The following CACNB2 variants were observed in gnomAD, a reference collection of about 807,000 sequenced individuals.
CACNB2 encodes voltage-dependent L-type calcium channel subunit beta-2.
In CACNB2, 42 loss-of-function variants were observed where a neutral mutation model predicts 73.3. The ratio of observed to expected loss-of-function variants is 0.57; its 90% CI spans 0.45 to 0.74. CACNB2 has a LOEUF of 0.74. CACNB2 is among the 30% of genes least tolerant of loss of function. The pLI is 0.00. For synonymous variants in CACNB2, 348 were observed against 310.3 expected, an observed-to-expected ratio of 1.12 and a Z score of -1.28; for missense variants, 940 against 853.0, an observed-to-expected ratio of 1.10 and a Z score of -1.27.
chr10:18,374,703 A>G (rs2042722881), intron 2 of CACNB2, among the ~76,000 whole-genome samples: 1 of 152,216 alleles, frequency 6.6e-6, no homozygotes, highest in South Asian at 2.1e-4. Flanking sequence ...TGATGTATGT[A>G]GCATTTCATG....
rs762401414 is a variant in CACNB2, at chr10:18,261,021, C to G, written c.213+110046C>G. On this transcript the variant is annotated intron_variant, in intron 2 of 13. Transcript: ENST00000324631. ...TAGATTTTTGCAAATAGGAAACCCC[C>G]TTGAAGAAGATCTCAAATTACGCCC... 5.6e-4 allele frequency: 797 copies of G among 1,414,314 alleles called. 3 individuals carry two copies. The highest frequency in any genetic ancestry group is 6.9e-4 in the Non-Finnish European group (754 of 1,088,022). The allele number at this position is 1,414,314 out of a possible 1,614,324, so 87.6% of individuals were successfully genotyped here. A position where few individuals can be genotyped will look rare whatever the true frequency, so the allele number is the denominator to read the frequency against.
intron 3 of CACNB2, among the ~76,000 whole-genome samples, chr10:18,459,454 A>G (rs1200389667): frequency 6.6e-6 from 1 of 152,164 alleles, no homozygotes; most frequent in East Asian, 1.9e-4. Flanking sequence ...AAATCACCTC[A>G]ATGCTGGGAA....
intron 2 of CACNB2, among the ~76,000 whole-genome samples, chr10:18,281,491 A>T (rs572058453): frequency 2.0e-5 from 3 of 152,232 alleles, no homozygotes; most frequent in African/African-American, 4.8e-5. Context: ...ATCTCCAAGG[A>T]CCTCTTTCAG....
chr10:18,539,557 C>T lies in CACNB2; in HGVS notation c.1816C>T (p.Arg606Trp), dbSNP rs61733968. The T allele has an allele frequency of 1.3e-4, 213 of 1,613,726 alleles. No individual in the cohort carries two copies. Among genetic ancestry groups the T allele is most frequent in the East Asian group, 1.3e-4 (6 of 44,822 alleles). Reference sequence around the variant, plus strand: ...CAGTGACCACAGACACAGGGAGTCCCGGCACCGTTCCCGGGACGTGGATCG... The same window carrying T: ...CAGTGACCACAGACACAGGGAGTCCTGGCACCGTTCCCGGGACGTGGATCG... The part of the protein sequence containing the change: ...GSSDHRHRES[R>W]HRSRDVDREQ... Residue 606 changes from arginine to tryptophan, a missense_variant, in exon 14 of 14, where the codon CGG (arginine) becomes TGG (tryptophan). By Grantham distance (101) the Arg-to-Trp change is moderately radical (BLOSUM62 -3). Coordinates refer to ENST00000324631, the MANE Select transcript of CACNB2 (RefSeq NM_201596.3).
chr10:18,168,497 TTGTGTGTGTGTG>T (rs111401264), intron 2 of CACNB2, among the ~76,000 whole-genome samples: 1 of 149,822 alleles, frequency 6.7e-6, no homozygotes, highest in African/African-American at 2.5e-5. Flanking sequence ...TCTTCCTTCT[TTGTGTGTGTGTG>T]TGTGTGTGTG....
intron 2 of CACNB2, among the ~76,000 whole-genome samples, chr10:18,271,893 T>C (rs2038069256): frequency 6.6e-6 from 1 of 152,178 alleles, no homozygotes; most frequent in Non-Finnish European, 1.5e-5. Context: ...GTCACCATTC[T>C]CCTCCATACC....
intron 2 of CACNB2, among the ~76,000 whole-genome samples, chr10:18,152,724 A>C (rs898958421): frequency 3.0e-4 from 39 of 131,926 alleles, no homozygotes; most frequent in Non-Finnish European, 5.1e-4. Context: ...AAAAAAAAAA[A>C]AAAAAAAACA....
chr10:18,148,587 A>G (rs984574895), intron 1 of CACNB2, among the ~76,000 whole-genome samples: 3 of 152,232 alleles, frequency 2.0e-5, no homozygotes, highest in Non-Finnish European at 4.4e-5. Context: ...ATTGTAAGCA[A>G]CCACAAAAAA....
chr10:18,314,612 TA>T, intron 2 of CACNB2, among the ~76,000 whole-genome samples: 1 of 152,070 alleles, frequency 6.6e-6, no homozygotes, highest in East Asian at 1.9e-4. Context: ...ATAAAGTAAC[TA>T]AAACAGCTAA....
chr10:18,198,208 A>G (rs1262513885), intron 2 of CACNB2, among the ~76,000 whole-genome samples: 2 of 149,436 alleles, frequency 1.3e-5, no homozygotes, highest in African/African-American at 2.4e-5. Flanking sequence ...TAAGTAATAT[A>G]TTAACATATA....
intron 2 of CACNB2, among the ~76,000 whole-genome samples, chr10:18,302,746 G>C (rs556707777): frequency 1.3e-5 from 2 of 152,282 alleles, no homozygotes; most frequent in East Asian, 3.9e-4. Context: ...TACAAGTTGG[G>C]TTCAGTGTAT....
chr10:18,397,155 A>T (rs2043752641), intron 2 of CACNB2, among the ~76,000 whole-genome samples: 1 of 152,324 alleles, frequency 6.6e-6, no homozygotes, highest in East Asian at 1.9e-4. Context: ...CAAAGTATAT[A>T]AATTTTTTAA....
chr10:18,517,275 A>G (rs905935270), intron 7 of CACNB2, among the ~76,000 whole-genome samples: 1 of 151,966 alleles, frequency 6.6e-6, no homozygotes, highest in Non-Finnish European at 1.5e-5. Context: ...AGGCCATATC[A>G]CTCTTATGCA....
At chr10:18,446,382 G>A (rs1370562677) in intron 3 of CACNB2, among the ~76,000 whole-genome samples, 1 of 152,164 alleles carries the variant, frequency 6.6e-6, no homozygotes, top group South Asian at 2.1e-4. Flanking sequence ...TTAGGCTGGA[G>A]TAAATGTTCA....
chr10:18,266,037 C>T (rs1306513237), intron 2 of CACNB2, among the ~76,000 whole-genome samples: 1 of 152,128 alleles, frequency 6.6e-6, no homozygotes, highest in Non-Finnish European at 1.5e-5. Flanking sequence ...TAAATGTCAC[C>T]AAATGATATT....
At chr10:18,522,541 A>C (rs984951328) in intron 9 of CACNB2, among the ~76,000 whole-genome samples, 1 of 152,124 alleles carries the variant, frequency 6.6e-6, no homozygotes, top group African/African-American at 2.4e-5. Flanking sequence ...CAGGGGAGGC[A>C]AGGGTAGGAA....
At chr10:18,458,949 GAGATGGGTTT>G (rs2047423284) in intron 3 of CACNB2, among the ~76,000 whole-genome samples, 1 of 150,806 alleles carries the variant, frequency 6.6e-6, no homozygotes, top group Non-Finnish European at 1.5e-5. Context: ...CATTTTTGTA[GAGATGGGTTT>G]TCACCATGTT....
chr10:18,265,715 A>T (rs183670459), intron 2 of CACNB2, among the ~76,000 whole-genome samples: 123 of 149,592 alleles, frequency 8.2e-4, no homozygotes, highest in African/African-American at 2.7e-3. Flanking sequence ...CCATATAATC[A>T]GGATAATAGT....
chr10:18,388,832 T>A (rs1426353920), intron 2 of CACNB2, among the ~76,000 whole-genome samples: 1 of 152,234 alleles, frequency 6.6e-6, no homozygotes, highest in East Asian at 1.9e-4. Context: ...TTCTTGCCTG[T>A]CATAATTCCC....
Sources: gnomAD v4.1 joint callset for allele counts (sites outside exome capture counted in the v4.1 genomes callset) on GRCh38, gnomAD v4.1.1 for gene constraint, MANE v1.5 for transcripts, NCBI Gene and HGNC (gene_info 2026-07-23, HGNC 2026-07-21) for gene names.